Variants in EML4 observed in about 807,000 individuals in gnomAD.
The protein encoded by EML4 is EMAP like 4, also known as echinoderm microtubule-associated protein-like 4.
Under a neutral mutation model 129.0 loss-of-function variants are expected in EML4, and 72 were observed. The ratio of observed to expected loss-of-function variants is 0.56; its 90% CI spans 0.46 to 0.68. The LOEUF (loss-of-function observed/expected upper bound fraction) is 0.68, where lower values mean the gene tolerates loss of function less well. Among genes scored for constraint, EML4 ranks in the 30% least tolerant of loss-of-function variants. EML4 has a pLI of 0.00. For synonymous variants in EML4, 532 were observed against 405.0 expected, an observed-to-expected ratio of 1.31 and a Z score of -3.77; for missense variants, 1,363 against 1,190.6, an observed-to-expected ratio of 1.14 and a Z score of -2.13.
At chr2:42,259,504 T>C (rs1665573478) in intron 3 of EML4, among the ~76,000 whole-genome samples, 1 of 152,028 alleles carries the variant, frequency 6.6e-6, no homozygotes, top group Non-Finnish European at 1.5e-5. Context: ...TCACCTGTAT[T>C]CATTCATCAC....
intron 1 of EML4, among the ~76,000 whole-genome samples, chr2:42,235,482 C>A (rs1441065745): frequency 6.6e-6 from 1 of 152,012 alleles, no homozygotes; most frequent in Non-Finnish European, 1.5e-5. Context: ...AAAACAAAAA[C>A]ACTATACACA....
At chr2:42,278,850 C>A (rs1044000383) in intron 6 of EML4, among the ~76,000 whole-genome samples, 2 of 151,938 alleles carry the variant, frequency 1.3e-5, no homozygotes, top group East Asian at 3.9e-4. Flanking sequence ...GCAGGAGAAT[C>A]ACTTGAACCC....
intron 13 of EML4, among the ~76,000 whole-genome samples, chr2:42,298,171 TAATC>T (rs1668063666): frequency 6.6e-6 from 1 of 152,218 alleles, no homozygotes; most frequent in African/African-American, 2.4e-5. Flanking sequence ...GTTCTCCGAA[TAATC>T]AAATGGGCCC....
chr2:42,262,602 C>A (rs1164532681), intron 4 of EML4, among the ~76,000 whole-genome samples: 6 of 152,122 alleles, frequency 3.9e-5, no homozygotes, highest in African/African-American at 1.2e-4. Context: ...ATGAAAAAAT[C>A]ATTTGTAAAG....
At chr2:42,251,170 G>C (rs781510265) in intron 2 of EML4, among the ~76,000 whole-genome samples, 3 of 152,220 alleles carry the variant, frequency 2.0e-5, no homozygotes, top group Non-Finnish European at 2.9e-5. Flanking sequence ...TGGCCCAGGG[G>C]TTGGGGACCC....
chr2:42,294,351 T>C (rs1000067577), intron 11 of EML4, among the ~76,000 whole-genome samples: 4 of 152,218 alleles, frequency 2.6e-5, no homozygotes, highest in African/African-American at 4.8e-5. Context: ...AAATCTACTT[T>C]TTAAGGGTTC....
In EML4 at chr2:42,330,462, C is replaced by T. The variant is rs1670047670; in HGVS notation, c.*255C>T. The T allele has an allele frequency of 1.8e-6, 1 of 567,670 alleles. No homozygotes were observed. The highest frequency in any genetic ancestry group is 3.2e-6 in the Non-Finnish European group (1 of 313,466). 35.2% of individuals were successfully genotyped at this position (567,670 alleles called of 1,614,324 possible). A position where few individuals can be genotyped will look rare whatever the true frequency, so the allele number is the denominator to read the frequency against. ...ATCATTAATGATGTCTCACAAATTACTGTGTACCTAAGTGGTGTGATGTAA... is the reference window on the plus strand; with the variant it reads ...ATCATTAATGATGTCTCACAAATTATTGTGTACCTAAGTGGTGTGATGTAA... On this transcript the variant is annotated 3_prime_UTR_variant, in exon 23 of 23. Coordinates refer to ENST00000318522, the MANE Select transcript of EML4 (RefSeq NM_019063.5).
intron 4 of EML4, among the ~76,000 whole-genome samples, chr2:42,262,892 G>A (rs1400422405): frequency 6.6e-6 from 1 of 152,060 alleles, no homozygotes; most frequent in African/African-American, 2.4e-5. Context: ...ACATTACTCA[G>A]ATGTAAGGAA....
chr2:42,261,002 C>A (rs1403236711), intron 3 of EML4, 119 bp from the exon 4 acceptor site: 3 of 707,566 alleles, frequency 4.2e-6, no homozygotes, highest in Non-Finnish European at 4.6e-6. Context: ...GAAAACAGTG[C>A]AAATTGTATT....
chr2:42,193,475 A>G (rs1007546784), intron 1 of EML4, among the ~76,000 whole-genome samples: 4 of 152,210 alleles, frequency 2.6e-5, no homozygotes, highest in African/African-American at 9.6e-5. Context: ...GACAGTGGAA[A>G]ATTTCTTAGC....
chr2:42,181,584 C>G (rs898035480), intron 1 of EML4, among the ~76,000 whole-genome samples: 2 of 152,172 alleles, frequency 1.3e-5, no homozygotes, highest in Non-Finnish European at 2.9e-5. Flanking sequence ...GTGTGAGCCA[C>G]CGCGCCTGGC....
chr2:42,254,333 T>C (rs1675981989), intron 2 of EML4, among the ~76,000 whole-genome samples: 1 of 151,916 alleles, frequency 6.6e-6, no homozygotes, highest in Non-Finnish European at 1.5e-5. Flanking sequence ...GGTGTGCACC[T>C]GTAGTCACAG....
intron 11 of EML4, among the ~76,000 whole-genome samples, chr2:42,293,034 G>A (rs1667741718): frequency 6.6e-6 from 1 of 151,984 alleles, no homozygotes; most frequent in African/African-American, 2.4e-5. Flanking sequence ...TGCTAAATAT[G>A]TATATAGTTC....
At chr2:42,215,333 A>G (rs1327922546) in intron 1 of EML4, among the ~76,000 whole-genome samples, 2 of 152,182 alleles carry the variant, frequency 1.3e-5, no homozygotes, top group African/African-American at 4.8e-5. Context: ...GATTATAGGC[A>G]TGTGCCACCA....
At chr2:42,312,762 C>T (rs1189410459) in intron 17 of EML4, among the ~76,000 whole-genome samples, 3 of 150,800 alleles carry the variant, frequency 2.0e-5, no homozygotes, top group Non-Finnish European at 4.4e-5. Context: ...ACCTTGTTAG[C>T]CAGGGTGGGC....
chr2:42,232,795 G>C (rs896519711), intron 1 of EML4, among the ~76,000 whole-genome samples: 3 of 151,996 alleles, frequency 2.0e-5, no homozygotes, highest in African/African-American at 7.2e-5. Context: ...ACGGATTTCG[G>C]CTCACTGCAA....
At chr2:42,247,491 G>T (rs6707805) in intron 2 of EML4, among the ~76,000 whole-genome samples, 2,310 of 152,136 alleles carry the variant, frequency 0.015, 50 homozygotes, top group African/African-American at 0.052. Context: ...CATGTACTCT[G>T]GGTCTGTGTA....
chr2:42,303,840 G>A lies in EML4; in HGVS notation c.1899+394G>A, dbSNP rs547497254. On this transcript the variant is annotated intron_variant, in intron 16 of 22. Transcript: ENST00000318522. ...CTCGAGAGGCTGAGGCAGGAGAATGGCATGAACCCGGGAGGCGGAGCTTGC... is the reference window on the plus strand; with the variant it reads ...CTCGAGAGGCTGAGGCAGGAGAATGACATGAACCCGGGAGGCGGAGCTTGC... Among the ~76,000 whole-genome samples the A allele has an allele frequency of 2.6e-5, 4 of 152,312 alleles. No homozygotes were observed. In the East Asian group the frequency reaches 7.7e-4, roughly 29 times the overall value.
chr2:42,235,740 A>G (rs10495895), intron 1 of EML4, among the ~76,000 whole-genome samples: 9,138 of 152,114 alleles, frequency 0.06, 351 homozygotes, highest in South Asian at 0.089. Context: ...TTAGGTTTGT[A>G]GATAATTAAT....
Sources: gnomAD v4.1 joint callset for allele counts (sites outside exome capture counted in the v4.1 genomes callset) on GRCh38, gnomAD v4.1.1 for gene constraint, MANE v1.5 for transcripts, NCBI Gene and HGNC (gene_info 2026-07-23, HGNC 2026-07-21) for gene names.